The following STOX2 variants were observed in gnomAD, a reference collection of about 807,000 sequenced individuals.
The protein encoded by STOX2 is storkhead-box protein 2.
In STOX2, 28 loss-of-function variants were observed where a neutral mutation model predicts 60.9. The observed-to-expected ratio is 0.46, with a 90% CI of 0.34 to 0.63. The LOEUF is 0.63. STOX2 is among the 30% of genes least tolerant of loss of function. The pLI, the probability that STOX2 is intolerant of heterozygous loss-of-function variation, is 0.01. For missense variants in STOX2, 1,024 were observed against 1,187.7 expected (o/e 0.86, Z 2.03); for synonymous variants, 472 against 463.9 (o/e 1.02, Z -0.22).
Position 184,011,306 on chromosome 4 carries a change from C to T in STOX2, c.2468C>T (p.Thr823Ile), listed in dbSNP as rs761910828. The change falls in exon 3 of 4, where the codon ACC (threonine) becomes ATC (isoleucine). Residue 823 changes from threonine (T) to isoleucine (I), a missense_variant. Physicochemically the swap from Thr to Ile is moderately conservative, Grantham distance 89 (BLOSUM62 -1). This residue lies in a region of STOX2 where 922 missense variants were observed against 1,058.3 expected (regional missense o/e 0.87). Coordinates refer to ENST00000308497, the MANE Select transcript of STOX2 (RefSeq NM_020225.3). This position sits in a 1 kb window ranked among gnomAD's most constrained non-coding sequence, Gnocchi z 4.4. ...CAGAGGAAATTTGAAAAGAACCTCACCCTTCTTGCTCCAAAAGAAACCGAC... is the reference window on the plus strand; with the variant it reads ...CAGAGGAAATTTGAAAAGAACCTCATCCTTCTTGCTCCAAAAGAAACCGAC... ...DLQRKFEKNL[T>I]LLAPKETDSS... The T allele has an allele frequency of 4.3e-6, 7 of 1,614,024 alleles. No homozygotes were observed. Among genetic ancestry groups the T allele is most frequent in the Non-Finnish European group, 5.1e-6 (6 of 1,179,892 alleles).
At chr4:183,928,386 G>A (rs1272317131) in intron 1 of STOX2, among the ~76,000 whole-genome samples, 2 of 152,160 alleles carry the variant, frequency 1.3e-5, no homozygotes, top group African/African-American at 4.8e-5. Context: ...AAACACAAAA[G>A]CCTACTTCAA....
intron 2 of STOX2, among the ~76,000 whole-genome samples, chr4:184,002,574 G>A (rs541728950): frequency 5.8e-4 from 89 of 152,278 alleles, no homozygotes; most frequent in Non-Finnish European, 9.7e-4. Flanking sequence ...GTACCCATCC[G>A]ATTTAGAAAA....
intron 1 of STOX2, among the ~76,000 whole-genome samples, chr4:183,871,325 G>A (rs1740688348): frequency 6.6e-6 from 1 of 152,190 alleles, no homozygotes; most frequent in Non-Finnish European, 1.5e-5. Context: ...CCTTTGGTAG[G>A]CATTTCCTGC....
intron 1 of STOX2, among the ~76,000 whole-genome samples, chr4:183,927,728 A>G (rs1261314135): frequency 6.6e-6 from 1 of 152,118 alleles, no homozygotes; most frequent in East Asian, 1.9e-4. Context: ...AGGGTGTGTG[A>G]GTGCTGGTGT....
chr4:183,924,513 A>C lies in STOX2; in HGVS notation c.166+17557A>C, dbSNP rs371804953. 3.9e-5 allele frequency among the ~76,000 whole-genome samples: 6 copies of C among 152,118 alleles called. No individual in the cohort carries two copies. The East Asian group carries it at 5.8e-4, about 15-fold the overall frequency. On this transcript the variant is annotated intron_variant, in intron 1 of 3. Transcript: ENST00000308497. ...CTCTCTCTGGAGGCCAGCAGATGAG[A>C]GAGACAAGGCAAGAGAGAGGAGGGG...
intron 1 of STOX2, among the ~76,000 whole-genome samples, chr4:183,932,937 G>A (rs1257234446): frequency 6.6e-6 from 1 of 152,152 alleles, no homozygotes; most frequent in Non-Finnish European, 1.5e-5. Context: ...AAAATAACTA[G>A]TATTTATAAG....
chr4:183,952,181 A>G (rs1743116415), intron 1 of STOX2, among the ~76,000 whole-genome samples: 1 of 152,232 alleles, frequency 6.6e-6, no homozygotes, highest in African/African-American at 2.4e-5. Flanking sequence ...GCATATTTCA[A>G]AACAGGGAAA....
chr4:183,816,417 T>C (rs2111105629), intron 1 of STOX2, among the ~76,000 whole-genome samples: 1 of 152,322 alleles, frequency 6.6e-6, no homozygotes, highest in Middle Eastern at 3.4e-3. Flanking sequence ...TAATATCATA[T>C]GTTCTCACTT....
chr4:183,951,681 T>G (rs952701138), intron 1 of STOX2, among the ~76,000 whole-genome samples: 2 of 152,040 alleles, frequency 1.3e-5, no homozygotes, highest in Non-Finnish European at 2.9e-5. Flanking sequence ...GGCTCACGCC[T>G]GTAATCCCAG....
At chr4:183,984,194 T>C (rs766235493) in intron 1 of STOX2, among the ~76,000 whole-genome samples, 1 of 152,250 alleles carries the variant, frequency 6.6e-6, no homozygotes, top group Non-Finnish European at 1.5e-5. Flanking sequence ...AAAGTATCCC[T>C]GCTCATGGAG....
intron 1 of STOX2, among the ~76,000 whole-genome samples, chr4:183,968,033 C>T (rs972179491): frequency 1.3e-4 from 20 of 152,230 alleles, no homozygotes; most frequent in African/African-American, 4.3e-4. Flanking sequence ...CAAAAGATAT[C>T]AGGATGGGTA....
chr4:184,001,303 C>G lies in STOX2; in HGVS notation c.167-22C>G. 1.2e-6 allele frequency: 2 copies of G among 1,612,356 alleles called. No homozygotes were observed. Among genetic ancestry groups the G allele is most frequent in the Non-Finnish European group, 1.7e-6 (2 of 1,178,656 alleles). Reference sequence around the variant, plus strand: ...ACCGGGTCTTTTAATGAACCACTCACTTGAAAATTGTCTTTCTGCAGGTGA... The same window carrying G: ...ACCGGGTCTTTTAATGAACCACTCAGTTGAAAATTGTCTTTCTGCAGGTGA... On this transcript the variant is annotated intron_variant, in intron 1 of 3. Coordinates refer to ENST00000308497, the MANE Select transcript of STOX2 (RefSeq NM_020225.3). The surrounding 1 kb of genome is among the most constrained non-coding windows in gnomAD (Gnocchi z 4.2).
At position 183,821,536 on chromosome 4, in the gene STOX2, T is replaced by C. The variant is rs2111110986; in HGVS notation, c.364+23481T>C. 6.6e-6 allele frequency among the ~76,000 whole-genome samples: 1 copy of C among 152,354 alleles called. No individual in the cohort carries two copies. Among genetic ancestry groups the C allele is most frequent in the African/African-American group, 2.4e-5 (1 of 41,586 alleles). ...ATCCCAACCCTTGCTGCGAAGGTCATTGCTCACAGCTCCCCATCTTGCTGT... is the reference window on the plus strand; with the variant it reads ...ATCCCAACCCTTGCTGCGAAGGTCACTGCTCACAGCTCCCCATCTTGCTGT... On this transcript the variant is annotated intron_variant, in intron 1 of 2. Transcript: ENST00000513034. This position sits in a 1 kb window ranked among gnomAD's most constrained non-coding sequence, Gnocchi z 4.2.
At chr4:183,986,847 T>TTTGGG (rs1732865711) in intron 1 of STOX2, among the ~76,000 whole-genome samples, 1 of 152,074 alleles carries the variant, frequency 6.6e-6, no homozygotes, top group Non-Finnish European at 1.5e-5. Flanking sequence ...CAGGAGAGGA[T>TTTGGG]AGGACGCTTT....
At chr4:183,805,546 G>C in intron 1 of STOX2, among the ~76,000 whole-genome samples, 1 of 152,158 alleles carries the variant, frequency 6.6e-6, no homozygotes. Flanking sequence ...GGTGGCTCAC[G>C]CCTATAATCC....
In STOX2 at chr4:183,800,324, G is replaced by A. The variant is rs1341852487; in HGVS notation, c.364+2269G>A. 3.7e-4 allele frequency among the ~76,000 whole-genome samples: 56 copies of A among 152,242 alleles called. 1 individual carries two copies. The highest frequency in any genetic ancestry group is 1.9e-4 in the East Asian group (1 of 5,180). ...CAAGTTCAAATGCTGGCGGGGGGCC[G>A]GGGCGGTGATATGGGGGATCCTGGC... is the stretch of plus-strand genomic sequence containing the variant. On this transcript the variant is annotated intron_variant, in intron 1 of 2. Transcript: ENST00000513034.
chr4:183,941,605 G>A lies in STOX2; in HGVS notation c.166+34649G>A, dbSNP rs149939887. Among the ~76,000 whole-genome samples, 17 of 152,272 alleles carry A rather than the reference G, an allele frequency of 1.1e-4. No homozygotes were observed. The East Asian group carries it at 3.1e-3, about 28-fold the overall frequency. On this transcript the variant is annotated intron_variant, in intron 1 of 3. Transcript: ENST00000308497. ...CTTGAGCACCCCAATATTCATGCAT[G>A]GGGTGGGGGTTGTATACCTAATAAG...
At chr4:183,948,362 C>G (rs1742964273) in intron 1 of STOX2, among the ~76,000 whole-genome samples, 1 of 150,014 alleles carries the variant, frequency 6.7e-6, no homozygotes, top group African/African-American at 2.4e-5. Context: ...TGTCCTTAAA[C>G]TGATACATAG....
chr4:183,920,336 G>C (rs1742066418), intron 1 of STOX2, among the ~76,000 whole-genome samples: 1 of 152,108 alleles, frequency 6.6e-6, no homozygotes, highest in South Asian at 2.1e-4. Context: ...TTGAACTCCT[G>C]ACCTCAAGTG....
Sources: gnomAD v4.1 joint callset for allele counts (sites outside exome capture counted in the v4.1 genomes callset) on GRCh38, gnomAD v4.1.1 for gene constraint, gnomAD v4.1.1 regional missense constraint, Gnocchi (gnomAD v3.1) non-coding constraint, MANE v1.5 for transcripts, NCBI Gene and HGNC (gene_info 2026-07-23, HGNC 2026-07-21) for gene names.